SH3BP1: variants seen among roughly 807,000 people sequenced by gnomAD.
SH3BP1 encodes the protein SH3 domain-binding protein 1.
A neutral mutation model predicts 69.8 loss-of-function variants in SH3BP1; 46 were observed. The ratio of observed to expected loss-of-function variants is 0.66; its 90% CI spans 0.52 to 0.84. The LOEUF (loss-of-function observed/expected upper bound fraction) is 0.84. SH3BP1 is among the 40% of genes least tolerant of loss of function. The pLI, the probability that SH3BP1 is intolerant of heterozygous loss-of-function variation, is 0.00. For synonymous variants in SH3BP1, 403 were observed against 378.0 expected, an observed-to-expected ratio of 1.07 and a Z score of -0.77; for missense variants, 868 against 930.9, an observed-to-expected ratio of 0.93 and a Z score of 0.88.
chr22:37,643,536 C>T, intron 6 of SH3BP1, 108 bp from the exon 7 acceptor site: 1 of 1,472,344 alleles, frequency 6.8e-7, no homozygotes, highest in Non-Finnish European at 9.3e-7. Context: ...GCTCTCAGAT[C>T]TGCAGCTCTA....
chr22:37,655,232 G>A (rs1425921850), intron 17 of SH3BP1, 40 bp from the exon 18 acceptor site: 14 of 1,500,304 alleles, frequency 9.3e-6, no homozygotes, highest in African/African-American at 5.6e-5. Context: ...CACAGGCCAC[G>A]TGGACACTCA....
chr22:37,648,504 T>A, intron 14 of SH3BP1, 69 bp downstream of exon 14: 1 of 1,112,676 alleles, frequency 9.0e-7, no homozygotes, highest in South Asian at 1.3e-5. Flanking sequence ...CTGTTGTCTA[T>A]TTTTCCCCGG....
intron 13 of SH3BP1, 60 bp from the exon 14 acceptor site, chr22:37,648,259 T>C: frequency 8.5e-7 from 1 of 1,177,672 alleles, no homozygotes. Context: ...AACCCTGGGC[T>C]GGAGAATTCT....
rs568471644 is a variant in SH3BP1, at chr22:37,653,688, G to T, written c.1599-91G>T. ...TAGAGAGCGAGTGCTGGGAGGATCC[G>T]GACTCCACCTGGCAGCTGGAGACTC... On this transcript the variant is annotated intron_variant, in intron 16 of 17. Transcript: ENST00000649765. The T allele has an allele frequency of 3.2e-4, 271 of 839,408 alleles. No individual in the cohort carries two copies. The African/African-American group carries it at 4.1e-3, about 13-fold the overall frequency. 52.0% of individuals were successfully genotyped at this position (839,408 alleles called of 1,614,324 possible).
In SH3BP1 at chr22:37,648,452, TG is replaced by T; in HGVS notation, c.1316+22del. The stretch of plus-strand genomic sequence containing the variant: ...GAAAGAAGGGTGAGGGGCCGCGGGC[TG>T]GGGGAGGTGGCAGGAGGAAGGCAGA... On this transcript the variant is annotated intron_variant, in intron 14 of 17. Transcript: ENST00000649765. The T allele has an allele frequency of 1.3e-6, 2 of 1,502,282 alleles. No individual in the cohort carries two copies. The highest frequency in any genetic ancestry group is 1.8e-6 in the Non-Finnish European group (2 of 1,098,338). 93.1% of individuals were successfully genotyped at this position (1,502,282 alleles called of 1,614,324 possible). A position where few individuals can be genotyped will look rare whatever the true frequency, so the allele number is the denominator to read the frequency against.
chr22:37,641,584 C>A (rs918022407), intron 3 of SH3BP1, 106 bp downstream of exon 3: 1 of 940,296 alleles, frequency 1.1e-6, no homozygotes, highest in Non-Finnish European at 1.6e-6. Context: ...TGTCTGGCAC[C>A]AAGGGCATGG....
chr22:37,639,893 G>T (rs1932517664), intron 1 of SH3BP1, 47 bp downstream of exon 1: 2 of 1,446,570 alleles, frequency 1.4e-6, no homozygotes, highest in African/African-American at 2.9e-5. Context: ...GGCAGGACTT[G>T]AGGGGTCGTA....
chr22:37,646,366 G>A (rs1031867500), intron 10 of SH3BP1, among the ~76,000 whole-genome samples: 1 of 151,148 alleles, frequency 6.6e-6, no homozygotes. Context: ...TCAAGCGATT[G>A]TGTCTCAGCC....
chr22:37,641,129 C>CCCGGAGA lies in SH3BP1; in HGVS notation c.67_73dup (p.Ala25GlyfsTer4). 1 of 1,545,406 alleles carries CCCGGAGA rather than the reference C, an allele frequency of 6.5e-7. No homozygotes were observed. The highest frequency in any genetic ancestry group is 8.7e-7 in the Non-Finnish European group (1 of 1,144,204). On this transcript the variant is annotated frameshift_variant, in exon 2 of 18. Transcript: ENST00000649765. LOFTEE classifies it high-confidence loss of function. ...CCCCCCCCACCACTCCCCGCAGCACCCCGGAGACCGCTGAGTTCCTGGGTG... is the reference window on the plus strand; with the variant it reads ...CCCCCCCCACCACTCCCCGCAGCACCCCGGAGACCGGAGACCGCTGAGTTCCTGGGTG...
Position 37,642,551 on chromosome 22 carries a change from C to T in SH3BP1, c.220C>T (p.Leu74Phe). The T allele has an allele frequency of 6.2e-7, 1 of 1,613,254 alleles. No individual in the cohort carries two copies. Among genetic ancestry groups the T allele is most frequent in the South Asian group, 1.1e-5 (1 of 91,082 alleles). Residue 74 changes from leucine (L) to phenylalanine (F), a missense_variant, in exon 4 of 18, where the codon CTC becomes TTC. By Grantham distance (22) the Leu-to-Phe change is conservative. This residue lies in a region of SH3BP1 where 387 missense variants were observed against 447.9 expected (regional missense o/e 0.86). Coordinates refer to ENST00000649765, the MANE Select transcript of SH3BP1 (RefSeq NM_018957.6). ...DMDKRVKKLP[L>F]MALSTTMAES... is the part of the protein sequence containing the mutation. ...ACCCTCCCTGCAGAAGAAGCTTCCC[C>T]TCATGGCTCTGTCCACCACGATGGC...
Position 37,647,490 on chromosome 22 carries a change from C to T in SH3BP1, c.1168C>T (p.Arg390Cys), listed in dbSNP as rs1350473204. 3 of 1,606,862 alleles carry T rather than the reference C, an allele frequency of 1.9e-6. No individual in the cohort carries two copies. The highest frequency in any genetic ancestry group is 2.5e-6 in the Non-Finnish European group (3 of 1,179,508). ...GCAGGCCCTCCAAGAGGTGTGCAGC[C>T]GCCTACCCCCCGAGAACCTCAGCAA... Reference protein sequence around the residue: ...RLQALQEVCSRLPPENLSNLR... With the variant: ...RLQALQEVCSCLPPENLSNLR... The change falls in exon 13 of 18, where the codon CGC becomes TGC. Residue 390 changes from arginine (R) to cysteine (C), a missense_variant. Transcript: ENST00000649765.
rs1420557423 is a variant in SH3BP1, at chr22:37,655,755, C to T, written c.*71C>T. ...CACCTGGCCCTCCCAGGACAGCTCTCGCCCCCCACAAAGGGGCATGGGCCT... is the reference window on the plus strand; with the variant it reads ...CACCTGGCCCTCCCAGGACAGCTCTTGCCCCCCACAAAGGGGCATGGGCCT... On this transcript the variant is annotated 3_prime_UTR_variant, in exon 18 of 18. Transcript: ENST00000649765. 9 of 1,445,800 alleles carry T rather than the reference C, an allele frequency of 6.2e-6. No individual in the cohort carries two copies. Among genetic ancestry groups the T allele is most frequent in the East Asian group, 2.5e-5 (1 of 39,934 alleles). 89.6% of individuals were successfully genotyped at this position (1,445,800 alleles called of 1,614,324 possible).
intron 3 of SH3BP1, 71 bp downstream of exon 3, chr22:37,641,549 G>A: frequency 1.5e-6 from 2 of 1,323,308 alleles, no homozygotes; most frequent in South Asian, 1.4e-5. Context: ...CAAGGTCGGG[G>A]CTGGGGTTTC....
chr22:37,641,081 G>C (rs768412276), intron 1 of SH3BP1, 45 bp from the exon 2 acceptor site: 77 of 1,347,640 alleles, frequency 5.7e-5, no homozygotes, highest in Non-Finnish European at 7.8e-5. Context: ...ACCCAGGCAG[G>C]CTCAGCAGAA....
chr22:37,655,659 G>A lies in SH3BP1; in HGVS notation c.2081G>A (p.Arg694Lys). 6.8e-7 allele frequency: 1 copy of A among 1,461,642 alleles called. No homozygotes were observed. Among genetic ancestry groups the A allele is most frequent in the Non-Finnish European group, 9.0e-7 (1 of 1,107,762 alleles). 90.5% of individuals were successfully genotyped at this position (1,461,642 alleles called of 1,614,324 possible). ...GCTATCCCCCCTCAGCCCCGCCCCA[G>A]GAGCCTTGCCTCAGAGACCAACTGA... ...PPAIPPQPRPRSLASETN is the reference protein window; with the variant it reads ...PPAIPPQPRPKSLASETN The change falls in exon 18 of 18, where the codon AGG becomes AAG. Residue 694 changes from arginine to lysine, a missense_variant. Coordinates refer to ENST00000649765, the MANE Select transcript of SH3BP1 (RefSeq NM_018957.6).
At chr22:37,647,408 C>T (rs1057031604) in intron 12 of SH3BP1, 33 bp from the exon 13 acceptor site, 5 of 1,610,598 alleles carry the variant, frequency 3.1e-6, no homozygotes, top group African/African-American at 1.3e-5. Flanking sequence ...TGTAGCCCTG[C>T]GCTGGCTGAC....
In SH3BP1 at chr22:37,639,689, C is replaced by T; in HGVS notation, c.-99C>T. 2 of 713,450 alleles carry T rather than the reference C, an allele frequency of 2.8e-6. No homozygotes were observed. The highest frequency in any genetic ancestry group is 1.9e-5 in the African/African-American group (1 of 52,646). The allele number at this position is 713,450 out of a possible 1,614,324, so 44.2% of individuals were successfully genotyped here. A position where few individuals can be genotyped will look rare whatever the true frequency, so the allele number is the denominator to read the frequency against. On this transcript the variant is annotated 5_prime_UTR_variant, in exon 1 of 18. Transcript: ENST00000649765. ...GAAGCGAGAGCGCCGCCCACCCATCCGGGGCAAGAGCCGCGCCGCAGGAGA... is the reference window on the plus strand; with the variant it reads ...GAAGCGAGAGCGCCGCCCACCCATCTGGGGCAAGAGCCGCGCCGCAGGAGA...
rs1450738935 is a variant in SH3BP1, at chr22:37,644,624, C to T, written c.619-13C>T. ...CCTCACCCAACGTAAGCTCTCCCCTCTCTGTCCCCAAGGACGAGTACTTGG... is the reference window on the plus strand; with the variant it reads ...CCTCACCCAACGTAAGCTCTCCCCTTTCTGTCCCCAAGGACGAGTACTTGG... On this transcript the variant is annotated splice_polypyrimidine_tract_variant and intron_variant, in intron 7 of 17. Coordinates refer to ENST00000649765, the MANE Select transcript of SH3BP1 (RefSeq NM_018957.6). The T allele has an allele frequency of 2.5e-6, 4 of 1,613,952 alleles. No individual in the cohort carries two copies. In the African/African-American group the frequency reaches 4.0e-5, roughly 16 times the overall value.
intron 15 of SH3BP1, 135 bp downstream of exon 15, chr22:37,650,384 G>T: frequency 6.7e-7 from 1 of 1,491,048 alleles, no homozygotes; most frequent in South Asian, 1.3e-5. Context: ...CAACGGGGAT[G>T]GTCTGCCTGC....
Sources: gnomAD v4.1 joint callset for allele counts (sites outside exome capture counted in the v4.1 genomes callset) on GRCh38, gnomAD v4.1.1 for gene constraint, gnomAD v4.1.1 regional missense constraint, MANE v1.5 for transcripts, NCBI Gene and HGNC (gene_info 2026-07-23, HGNC 2026-07-21) for gene names.